Variants in ARHGEF38 observed in about 807,000 individuals in gnomAD.
The protein encoded by ARHGEF38 is Rho guanine nucleotide exchange factor (GEF) 38.
A neutral mutation model predicts 79.9 loss-of-function variants in ARHGEF38; 79 were observed. That is an observed-to-expected ratio of 0.99 (90% CI 0.82 to 1.19). ARHGEF38 has a LOEUF of 1.19. Among genes scored for constraint, ARHGEF38 ranks in the 50% most tolerant of loss-of-function variants. ARHGEF38 has a pLI of 0.00. For missense variants in ARHGEF38, 962 were observed against 907.2 expected, an observed-to-expected ratio of 1.06 and a Z score of -0.78; for synonymous variants, 366 against 328.3, an observed-to-expected ratio of 1.11 and a Z score of -1.24.
At chr4:105,564,247 T>C (rs1725778822) in intron 1 of ARHGEF38, among the ~76,000 whole-genome samples, 1 of 152,240 alleles carries the variant, frequency 6.6e-6, no homozygotes, top group Non-Finnish European at 1.5e-5. Context: ...GCATGCTTCA[T>C]AATATGTATG....
chr4:105,631,437 G>A, intron 4 of ARHGEF38: 1 of 987,004 alleles, frequency 1.0e-6, no homozygotes, highest in Non-Finnish European at 1.2e-6. Flanking sequence ...TAGGGGAATG[G>A]CCTACAACTC....
Position 105,680,182 on chromosome 4 carries a change from G to T in ARHGEF38, c.*2245G>T. On this transcript the variant is annotated 3_prime_UTR_variant, in exon 14 of 14. Coordinates refer to ENST00000420470, the MANE Select transcript of ARHGEF38 (RefSeq NM_001242729.2). ...TAAAACCAGGTCTTCTGACTTTAAG[G>T]CCTTTCTTTTAGTGTTTTCCCTTTT... 2 of 544,866 alleles carry T rather than the reference G, an allele frequency of 3.7e-6. No homozygotes were observed. Among genetic ancestry groups the T allele is most frequent in the Non-Finnish European group, 6.8e-6 (2 of 293,536 alleles). The allele number at this position is 544,866 out of a possible 1,614,324, so 33.8% of individuals were successfully genotyped here. A position where few individuals can be genotyped will look rare whatever the true frequency, so the allele number is the denominator to read the frequency against.
chr4:105,625,255 G>A (rs1728897180), intron 3 of ARHGEF38, among the ~76,000 whole-genome samples: 1 of 152,086 alleles, frequency 6.6e-6, no homozygotes. Context: ...TGTAAAAATG[G>A]GTAGTATAGA....
intron 2 of ARHGEF38, among the ~76,000 whole-genome samples, chr4:105,601,189 G>T (rs1297012662): frequency 6.6e-6 from 1 of 152,138 alleles, no homozygotes; most frequent in Non-Finnish European, 1.5e-5. Flanking sequence ...TCTCACTGAT[G>T]TCATCTATTT....
At chr4:105,643,993 A>G (rs770486869) in intron 5 of ARHGEF38, among the ~76,000 whole-genome samples, 3 of 150,350 alleles carry the variant, frequency 2.0e-5, no homozygotes, top group Non-Finnish European at 4.4e-5. Flanking sequence ...CAGCCTCCCA[A>G]GTATCTGAGA....
At chr4:105,559,361 G>A (rs192659505) in intron 1 of ARHGEF38, among the ~76,000 whole-genome samples, 1 of 152,228 alleles carries the variant, frequency 6.6e-6, no homozygotes, top group East Asian at 1.9e-4. Flanking sequence ...GGTTGCTGGT[G>A]TGCATGCTCT....
At chr4:105,570,772 A>G (rs1157890080) in intron 1 of ARHGEF38, among the ~76,000 whole-genome samples, 1 of 152,186 alleles carries the variant, frequency 6.6e-6, no homozygotes, top group African/African-American at 2.4e-5. Context: ...GCCAATCCAT[A>G]TCATGGTATA....
At chr4:105,629,008 T>C (rs931788949) in intron 3 of ARHGEF38, among the ~76,000 whole-genome samples, 3 of 152,164 alleles carry the variant, frequency 2.0e-5, no homozygotes, top group Non-Finnish European at 4.4e-5. Flanking sequence ...CTACTATTAT[T>C]TTTATTTTGC....
rs544272140 is a variant in ARHGEF38, at chr4:105,680,870, T to C, written c.*2933T>C. ...TTCCATGATGGGATAAATGTTTTCA[T>C]TTCAAGTGCCAATGTGTGAACTGTA... On this transcript the variant is annotated 3_prime_UTR_variant, in exon 14 of 14. Transcript: ENST00000420470. 11 of 152,318 alleles carry C rather than the reference T, an allele frequency of 7.2e-5. No individual in the cohort carries two copies. The highest frequency in any genetic ancestry group is 2.6e-4 in the African/African-American group (11 of 41,594). The allele number at this position is 152,318 out of a possible 1,614,324, so 9.4% of individuals were successfully genotyped here.
At chr4:105,613,637 T>G (rs1319498151) in intron 3 of ARHGEF38, 130 bp downstream of exon 3, 12 of 973,824 alleles carry the variant, frequency 1.2e-5, no homozygotes, top group Non-Finnish European at 1.8e-5. Flanking sequence ...AAACCCATCT[T>G]TGGGCTCATT....
intron 1 of ARHGEF38, among the ~76,000 whole-genome samples, chr4:105,587,573 G>A (rs1013619222): frequency 6.6e-6 from 1 of 152,150 alleles, no homozygotes; most frequent in African/African-American, 2.4e-5. Context: ...ACATTCTCCT[G>A]CCTCAGCCTT....
intron 3 of ARHGEF38, among the ~76,000 whole-genome samples, chr4:105,617,012 A>G (rs1728537592): frequency 6.6e-6 from 1 of 152,212 alleles, no homozygotes; most frequent in Non-Finnish European, 1.5e-5. Context: ...ATGGTTACTA[A>G]TGAGTTGACA....
At chr4:105,626,324 C>A (rs1728945627) in intron 3 of ARHGEF38, among the ~76,000 whole-genome samples, 1 of 152,160 alleles carries the variant, frequency 6.6e-6, no homozygotes, top group Non-Finnish European at 1.5e-5. Flanking sequence ...CTTTCCTCTG[C>A]ATCCTCCTTG....
At chr4:105,563,508 T>A (rs1725738510) in intron 1 of ARHGEF38, 1 of 152,222 alleles carries the variant, frequency 6.6e-6, no homozygotes. Flanking sequence ...TTGCCATATA[T>A]TTATAGATGA....
At position 105,677,979 on chromosome 4, in the gene ARHGEF38, TTGAC is replaced by T; in HGVS notation, c.*44_*47del. 1.4e-6 allele frequency: 2 copies of T among 1,448,470 alleles called. No homozygotes were observed. Among genetic ancestry groups the T allele is most frequent in the Non-Finnish European group, 1.8e-6 (2 of 1,093,772 alleles). 89.7% of individuals were successfully genotyped at this position (1,448,470 alleles called of 1,614,324 possible). A position where few individuals can be genotyped will look rare whatever the true frequency, so the allele number is the denominator to read the frequency against. ...CTTTTATTTTCCAGCAAGTTGTTGA[TTGAC>T]TACCTCATAAAACTGACATTACAAA... is the stretch of plus-strand genomic sequence containing the variant. On this transcript the variant is annotated 3_prime_UTR_variant, in exon 14 of 14. Transcript: ENST00000420470.
chr4:105,646,144 C>T (rs1266465307), intron 6 of ARHGEF38, among the ~76,000 whole-genome samples: 1 of 151,948 alleles, frequency 6.6e-6, no homozygotes, highest in Non-Finnish European at 1.5e-5. Context: ...GCTAAATGGT[C>T]TAATCACTTT....
intron 1 of ARHGEF38, among the ~76,000 whole-genome samples, chr4:105,565,046 C>A (rs193065775): frequency 2.0e-5 from 3 of 152,308 alleles, no homozygotes; most frequent in East Asian, 1.9e-4. Flanking sequence ...ACTGTCGGAG[C>A]CTGTAAATTC....
rs115866243 is a variant in ARHGEF38 at position 105,674,372 on chromosome 4, C to A, written c.2149-3380C>A. On this transcript the variant is annotated intron_variant, in intron 13 of 13. Coordinates refer to ENST00000420470, the MANE Select transcript of ARHGEF38 (RefSeq NM_001242729.2). ...ACAGAAGAAGATTAGGTGATTATGGCTCAAATTAACAACATTGTAATTAAT... is the reference window on the plus strand; with the variant it reads ...ACAGAAGAAGATTAGGTGATTATGGATCAAATTAACAACATTGTAATTAAT... Among the ~76,000 whole-genome samples the A allele has an allele frequency of 8.4e-3, 1,285 of 152,074 alleles. 16 individuals carry two copies. Among genetic ancestry groups the A allele is most frequent in the African/African-American group, 0.029 (1,189 of 41,508 alleles).
intron 1 of ARHGEF38, among the ~76,000 whole-genome samples, chr4:105,575,961 G>T (rs1473717863): frequency 6.6e-6 from 1 of 152,048 alleles, no homozygotes; most frequent in East Asian, 1.9e-4. Context: ...CTGTTTATAA[G>T]CATTTGACTT....
Sources: allele counts gnomAD v4.1 joint callset (sites outside exome capture counted in the v4.1 genomes callset), GRCh38; gene constraint gnomAD v4.1.1; transcripts MANE v1.5; gene names NCBI Gene and HGNC (gene_info 2026-07-23, HGNC 2026-07-21).